PVT1: variants seen among roughly 807,000 people sequenced by gnomAD.
The protein encoded by PVT1 is CXCR4/PVT1 fusion.
chr8:128,007,283 G>A (rs755438405), intron 4 of PVT1, among the ~76,000 whole-genome samples: 1 of 152,194 alleles, frequency 6.6e-6, no homozygotes, highest in Non-Finnish European at 1.5e-5. Flanking sequence ...CAATAGTATT[G>A]TACTAAAGTT....
At chr8:127,882,860 C>T (rs1026574836) in intron 2 of PVT1, among the ~76,000 whole-genome samples, 1 of 152,140 alleles carries the variant, frequency 6.6e-6, no homozygotes, top group Non-Finnish European at 1.5e-5. Flanking sequence ...ACTGATTTCT[C>T]ACTTCTGCTG....
intron 4 of PVT1, among the ~76,000 whole-genome samples, chr8:127,991,380 G>A (rs1354706650): frequency 6.6e-6 from 1 of 151,916 alleles, no homozygotes; most frequent in Non-Finnish European, 1.5e-5. Context: ...TCCTGACCTT[G>A]TGATCTGCCC....
At chr8:127,972,168 C>T (rs778448032) in intron 3 of PVT1, among the ~76,000 whole-genome samples, 7 of 152,214 alleles carry the variant, frequency 4.6e-5, no homozygotes, top group Admixed American at 2.0e-4. Context: ...CATGCTGGGG[C>T]GAAGTTCTGC....
chr8:127,831,195 G>A (rs1814847426), intron 2 of PVT1, among the ~76,000 whole-genome samples: 1 of 150,092 alleles, frequency 6.7e-6, no homozygotes, highest in Non-Finnish European at 1.5e-5. Context: ...GTCCCTCCAG[G>A]GAACCCTGAC....
intron 3 of PVT1, among the ~76,000 whole-genome samples, chr8:127,906,777 G>T (rs1008211978): frequency 1.3e-5 from 2 of 152,084 alleles, no homozygotes; most frequent in African/African-American, 4.8e-5. Context: ...TTATGTAATT[G>T]TTACCCTTTA....
chr8:127,870,867 A>G (rs1815344095), intron 2 of PVT1, among the ~76,000 whole-genome samples: 1 of 152,188 alleles, frequency 6.6e-6, no homozygotes, highest in Admixed American at 6.5e-5. Context: ...AGCCCTTATT[A>G]TTTATACTGT....
At chr8:128,084,182 T>C (rs1006337864) in intron 5 of PVT1, among the ~76,000 whole-genome samples, 4 of 152,156 alleles carry the variant, frequency 2.6e-5, no homozygotes, top group Non-Finnish European at 5.9e-5. Context: ...CCCATGGATC[T>C]CATCTCAGAT....
chr8:127,839,131 G>A (rs964277043), intron 2 of PVT1, among the ~76,000 whole-genome samples: 12 of 152,220 alleles, frequency 7.9e-5, no homozygotes, highest in Non-Finnish European at 1.8e-4. Flanking sequence ...GCCTAACGCC[G>A]CATTTCTCAG....
chr8:127,884,801 C>T (rs1815506457), intron 2 of PVT1, among the ~76,000 whole-genome samples: 1 of 152,206 alleles, frequency 6.6e-6, no homozygotes, highest in South Asian at 2.1e-4. Context: ...TGTACTTTTG[C>T]AGGCGGAGGG....
intron 4 of PVT1, among the ~76,000 whole-genome samples, chr8:128,030,107 C>T (rs1813371516): frequency 6.6e-6 from 1 of 151,992 alleles, no homozygotes; most frequent in Non-Finnish European, 1.5e-5. Flanking sequence ...AATGAGATGC[C>T]ATCTTAAGAA....
intron 2 of PVT1, among the ~76,000 whole-genome samples, chr8:127,856,339 A>T (rs992227627): frequency 1.3e-5 from 2 of 150,730 alleles, no homozygotes; most frequent in African/African-American, 4.9e-5. Flanking sequence ...CCAGCTGTAC[A>T]TACGTATATA....
At position 128,081,872 on chromosome 8, in the gene PVT1, A is replaced by AGAC. The variant is rs1814185552; in HGVS notation, n.1114+11512_1114+11514dup. Reference sequence around the variant, plus strand: ...TAAAACTAAACTATTGTAGATCCGTAGACCTGTATTTTGAGCCACCAGTCC... The same window carrying AGAC: ...TAAAACTAAACTATTGTAGATCCGTAGACGACCTGTATTTTGAGCCACCAGTCC... On this transcript the variant is annotated intron_variant and non_coding_transcript_variant, in intron 5 of 10. Coordinates refer to ENST00000651587, the Ensembl canonical transcript of PVT1. Among the ~76,000 whole-genome samples, 3 of 152,234 alleles carry AGAC rather than the reference A, an allele frequency of 2.0e-5. No individual in the cohort carries two copies. In the South Asian group the frequency reaches 6.2e-4, roughly 32 times the overall value.
At chr8:127,955,345 T>G (rs1340973800) in intron 3 of PVT1, among the ~76,000 whole-genome samples, 1 of 152,214 alleles carries the variant, frequency 6.6e-6, no homozygotes, top group Non-Finnish European at 1.5e-5. Context: ...AAATTTCTGT[T>G]GTTAAAGCCA....
At chr8:128,041,171 T>C (rs1813528911) in intron 4 of PVT1, among the ~76,000 whole-genome samples, 2 of 151,022 alleles carry the variant, frequency 1.3e-5, no homozygotes, top group African/African-American at 2.4e-5. Context: ...TGTTTCTGCA[T>C]GTGTTTGTGT....
At chr8:128,050,367 C>T (rs540539292) in intron 4 of PVT1, among the ~76,000 whole-genome samples, 2 of 152,300 alleles carry the variant, frequency 1.3e-5, no homozygotes, top group East Asian at 1.9e-4. Context: ...ACAGTAGCTC[C>T]GTGTCACCCA....
intron 3 of PVT1, among the ~76,000 whole-genome samples, chr8:127,930,688 T>C (rs1228365498): frequency 6.6e-6 from 1 of 151,872 alleles, no homozygotes; most frequent in African/African-American, 2.4e-5. Context: ...GCGTCAAAGG[T>C]TTTTCTTTCC....
At chr8:127,936,034 C>CTTTTTTTTTT (rs937905808) in intron 3 of PVT1, among the ~76,000 whole-genome samples, 30 of 101,238 alleles carry the variant, frequency 3.0e-4, no homozygotes, top group East Asian at 5.7e-4. Context: ...CTCTCTCTCT[C>CTTTTTTTTTT]TTTTTTTTTT....
intron 5 of PVT1, among the ~76,000 whole-genome samples, chr8:128,077,315 C>T (rs1468922620): frequency 1.3e-5 from 2 of 152,172 alleles, no homozygotes; most frequent in Non-Finnish European, 2.9e-5. Flanking sequence ...GAGCAGGTTT[C>T]TACCAAAGGA....
chr8:127,934,788 A>G (rs1414810959), intron 3 of PVT1, among the ~76,000 whole-genome samples: 1 of 152,106 alleles, frequency 6.6e-6, no homozygotes, highest in African/African-American at 2.4e-5. Flanking sequence ...TGACTTATCA[A>G]TGGTTTTTCG....
Sources: allele counts gnomAD v4.1 joint callset (sites outside exome capture counted in the v4.1 genomes callset), GRCh38; gene constraint gnomAD v4.1.1; transcripts MANE v1.5; gene names NCBI Gene and HGNC (gene_info 2026-07-23, HGNC 2026-07-21).